Variants in NTN1 observed in about 807,000 individuals in gnomAD.
NTN1 encodes netrin 1, also known as netrin-1.
NTN1 carries 11 observed loss-of-function variants against 54.2 expected under a neutral mutation model. That is an observed-to-expected ratio of 0.20 (90% CI 0.13 to 0.34). The LOEUF is 0.34. Among genes scored for constraint, NTN1 ranks in the 10% least tolerant of loss-of-function variants. The probability of loss-of-function intolerance (pLI) is 1.00; values close to 1 mark genes in which losing one functional copy is unlikely to be tolerated. For missense variants in NTN1, 740 were observed against 893.1 expected (o/e 0.83, Z 2.18); for synonymous variants, 371 against 382.0 (o/e 0.97, Z 0.33).
At chr17:9,108,408 C>A (rs965274701) in intron 2 of NTN1, among the ~76,000 whole-genome samples, 6 of 152,156 alleles carry the variant, frequency 3.9e-5, no homozygotes, top group Admixed American at 3.9e-4. Context: ...ATCAGCAGAG[C>A]CGGAGTCACA....
At chr17:9,123,354 A>T (rs2142263331) in intron 2 of NTN1, among the ~76,000 whole-genome samples, 1 of 152,356 alleles carries the variant, frequency 6.6e-6, no homozygotes, top group East Asian at 1.9e-4. Flanking sequence ...TAAGTTTTCC[A>T]AAAAGATGAA....
intron 6 of NTN1, among the ~76,000 whole-genome samples, chr17:9,227,666 C>T (rs1168539594): frequency 6.6e-6 from 1 of 150,482 alleles, no homozygotes; most frequent in Non-Finnish European, 1.5e-5. Flanking sequence ...ATACCACACA[C>T]ATCAGATATA....
chr17:9,059,485 A>G (rs974817993), intron 2 of NTN1, among the ~76,000 whole-genome samples: 3 of 152,260 alleles, frequency 2.0e-5, no homozygotes, highest in Admixed American at 2.0e-4. Context: ...TCACTCAGCC[A>G]GAAAAGGGAA....
intron 2 of NTN1, among the ~76,000 whole-genome samples, chr17:9,056,454 G>A (rs1228414653): frequency 6.6e-6 from 1 of 152,228 alleles, no homozygotes; most frequent in Non-Finnish European, 1.5e-5. Context: ...AGCCATGAGA[G>A]AATTTTAGAT....
chr17:9,115,353 A>G (rs1250505898), intron 2 of NTN1, among the ~76,000 whole-genome samples: 2 of 152,222 alleles, frequency 1.3e-5, no homozygotes, highest in Admixed American at 6.5e-5. Context: ...AAGACCCACA[A>G]TGCTGGCGTC....
chr17:9,028,799 C>T (rs750759572), intron 2 of NTN1, among the ~76,000 whole-genome samples: 34 of 152,238 alleles, frequency 2.2e-4, no homozygotes, highest in Non-Finnish European at 3.5e-4. Flanking sequence ...TGGATTGTTA[C>T]TCATGTTATC....
chr17:9,182,970 G>A lies in NTN1; in HGVS notation c.1411+1G>A. ...GCCAGCAGCGTGGAGGAGCCTGAAG[G>A]TAAACGGCCCCCTTCGCTTCTCATT... On this transcript the variant is annotated splice_donor_variant, in intron 5 of 6. Coordinates refer to ENST00000173229, the MANE Select transcript of NTN1 (RefSeq NM_004822.3). LOFTEE classifies it high-confidence loss of function. 6.2e-7 allele frequency: 1 copy of A among 1,609,510 alleles called. No homozygotes were observed. The highest frequency in any genetic ancestry group is 8.5e-7 in the Non-Finnish European group (1 of 1,177,436).
intron 2 of NTN1, among the ~76,000 whole-genome samples, chr17:9,058,865 C>T (rs550297896): frequency 6.2e-4 from 94 of 152,070 alleles, no homozygotes; most frequent in South Asian, 2.9e-3. Flanking sequence ...GAGAGGCAGA[C>T]AGTAGAGTGG....
chr17:9,222,512 G>C (rs905070449), intron 6 of NTN1, among the ~76,000 whole-genome samples: 1 of 152,218 alleles, frequency 6.6e-6, no homozygotes, highest in Non-Finnish European at 1.5e-5. Context: ...AGTGTATACG[G>C]GGAGGACAGA....
At chr17:9,147,273 A>G (rs966476486) in intron 2 of NTN1, among the ~76,000 whole-genome samples, 1 of 152,226 alleles carries the variant, frequency 6.6e-6, no homozygotes, top group Non-Finnish European at 1.5e-5. Context: ...TGGGAGGCCG[A>G]GGTGGGCAGA....
chr17:9,083,264 A>C (rs567213488), intron 2 of NTN1, among the ~76,000 whole-genome samples: 15 of 152,060 alleles, frequency 9.9e-5, no homozygotes, highest in African/African-American at 3.4e-4. Context: ...ACACCTGGCT[A>C]ATTTTTGAAT....
At chr17:9,194,151 G>T (rs910576539) in intron 5 of NTN1, among the ~76,000 whole-genome samples, 22 of 151,386 alleles carry the variant, frequency 1.5e-4, no homozygotes, top group Non-Finnish European at 1.9e-4. Context: ...CAGGAGAATC[G>T]CTTGAACCCA....
At chr17:9,188,442 AAGAG>A (rs1904348616) in intron 5 of NTN1, among the ~76,000 whole-genome samples, 1 of 84,766 alleles carries the variant, frequency 1.2e-5, no homozygotes. Context: ...AAAAAAAAAA[AAGAG>A]TGCTAAATCT....
chr17:9,189,276 G>C (rs556032780), intron 5 of NTN1, among the ~76,000 whole-genome samples: 1 of 152,206 alleles, frequency 6.6e-6, no homozygotes, highest in Admixed American at 6.5e-5. Context: ...CAGCATCACT[G>C]GGATCCCGGC....
intron 2 of NTN1, 110 bp from the exon 3 acceptor site, chr17:9,162,703 C>A: frequency 9.8e-7 from 1 of 1,020,616 alleles, no homozygotes; most frequent in Non-Finnish European, 1.4e-6. Flanking sequence ...CTGCCTGGCT[C>A]TGCTAGTGGA....
upstream of NTN1, among the ~76,000 whole-genome samples, chr17:9,018,154 T>C (rs1260669554): frequency 6.6e-6 from 1 of 152,040 alleles, no homozygotes; most frequent in Non-Finnish European, 1.5e-5. Flanking sequence ...AGTAAGACAG[T>C]CCTGCTCACC....
At chr17:9,079,439 T>C (rs990945057) in intron 2 of NTN1, among the ~76,000 whole-genome samples, 2 of 152,248 alleles carry the variant, frequency 1.3e-5, no homozygotes, top group African/African-American at 4.8e-5. Context: ...TCTGTATTGA[T>C]GGCTTTGATT....
intron 2 of NTN1, among the ~76,000 whole-genome samples, chr17:9,059,819 C>A (rs1286791826): frequency 1.3e-5 from 1 of 77,750 alleles, no homozygotes; most frequent in Non-Finnish European, 2.3e-5. Context: ...GTGAATTTCA[C>A]CTCAATTACA....
chr17:9,235,066 G>C (rs1905940414), intron 6 of NTN1, among the ~76,000 whole-genome samples: 1 of 148,918 alleles, frequency 6.7e-6, no homozygotes, highest in African/African-American at 2.5e-5. Flanking sequence ...GGGTTCAAGC[G>C]ATTCTCCTGC....
Sources: allele counts gnomAD v4.1 joint callset (sites outside exome capture counted in the v4.1 genomes callset), GRCh38; gene constraint gnomAD v4.1.1; transcripts MANE v1.5; gene names NCBI Gene and HGNC (gene_info 2026-07-23, HGNC 2026-07-21).